GMDS: variants seen among roughly 807,000 people sequenced by gnomAD.
The protein encoded by GMDS is GDP-mannose 4,6 dehydratase.
In GMDS, 20 loss-of-function variants were observed where a neutral mutation model predicts 49.9. That is an observed-to-expected ratio of 0.40 (90% CI 0.28 to 0.58). The LOEUF is 0.58. Among genes scored for constraint, GMDS ranks in the 20% least tolerant of loss-of-function variants. The probability of loss-of-function intolerance (pLI) is 0.42; values close to 1 mark genes in which losing one functional copy is unlikely to be tolerated. For synonymous variants in GMDS, 177 were observed against 178.6 expected, an observed-to-expected ratio of 0.99 and a Z score of 0.07; for missense variants, 362 against 481.4, an observed-to-expected ratio of 0.75 and a Z score of 2.32.
intron 1 of GMDS, among the ~76,000 whole-genome samples, chr6:2,201,141 G>A (rs1465419159): frequency 7.2e-6 from 1 of 138,606 alleles, no homozygotes. Context: ...ATGAGCATCC[G>A]AGATGAAACC....
intron 4 of GMDS, among the ~76,000 whole-genome samples, chr6:2,113,888 C>T (rs1304000365): frequency 6.6e-6 from 1 of 152,156 alleles, no homozygotes; most frequent in Non-Finnish European, 1.5e-5. Context: ...CATTTCCGCC[C>T]ATTAACTAAC....
At chr6:1,830,186 A>G (rs1771293161) in intron 7 of GMDS, among the ~76,000 whole-genome samples, 1 of 152,232 alleles carries the variant, frequency 6.6e-6, no homozygotes, top group African/African-American at 2.4e-5. Context: ...ATCATGTGGG[A>G]CATTGCAGAT....
chr6:1,760,296 G>A (rs1271032857), intron 7 of GMDS, among the ~76,000 whole-genome samples: 3 of 152,184 alleles, frequency 2.0e-5, no homozygotes, highest in Non-Finnish European at 4.4e-5. Flanking sequence ...AGGACTTCTG[G>A]ACCACGAGTA....
At position 1,658,345 on chromosome 6, in the gene GMDS, C is replaced by T. The variant is rs187640844; in HGVS notation, c.988-33805G>A. The stretch of plus-strand genomic sequence containing the variant: ...TGCAATTTGCGAAGTCGCATTTTCC[C>T]GAAGGCTTTCCCACCTGGGCCTTGC... On this transcript the variant is annotated intron_variant, in intron 9 of 10. Coordinates refer to ENST00000380815, the MANE Select transcript of GMDS (RefSeq NM_001500.4). Among the ~76,000 whole-genome samples, 9 of 152,354 alleles carry T rather than the reference C, an allele frequency of 5.9e-5. No homozygotes were observed. In the South Asian group the frequency reaches 1.2e-3, roughly 21 times the overall value.
At chr6:2,028,749 G>A (rs1236947734) in intron 4 of GMDS, among the ~76,000 whole-genome samples, 4 of 152,118 alleles carry the variant, frequency 2.6e-5, no homozygotes, top group African/African-American at 4.8e-5. Flanking sequence ...TACCTGCAGA[G>A]AATGTCTAAC....
At chr6:1,996,983 G>A (rs1419705849) in intron 4 of GMDS, among the ~76,000 whole-genome samples, 1 of 151,866 alleles carries the variant, frequency 6.6e-6, no homozygotes, top group East Asian at 1.9e-4. Context: ...TTCCAAGTAA[G>A]TCTTCTGATG....
intron 1 of GMDS, among the ~76,000 whole-genome samples, chr6:2,179,862 A>G (rs1042161656): frequency 3.3e-5 from 5 of 151,666 alleles, no homozygotes; most frequent in South Asian, 2.1e-4. Flanking sequence ...AGTCCATAAG[A>G]TCATACAAAT....
At chr6:1,780,216 A>G (rs1285768052) in intron 7 of GMDS, among the ~76,000 whole-genome samples, 1 of 152,236 alleles carries the variant, frequency 6.6e-6, no homozygotes, top group East Asian at 1.9e-4. Context: ...TTTGTTTTCT[A>G]AATAATGATT....
chr6:1,689,609 G>A (rs1416985275), intron 9 of GMDS, among the ~76,000 whole-genome samples: 1 of 152,156 alleles, frequency 6.6e-6, no homozygotes, highest in African/African-American at 2.4e-5. Context: ...ATTCAGGGTT[G>A]AGCCCATCCC....
chr6:2,006,924 G>A (rs1047296983), intron 4 of GMDS, among the ~76,000 whole-genome samples: 2 of 152,150 alleles, frequency 1.3e-5, no homozygotes, highest in Non-Finnish European at 2.9e-5. Flanking sequence ...TGAGCAATAC[G>A]CTTAGTAAAT....
chr6:1,660,742 T>C (rs1764040630), intron 9 of GMDS, among the ~76,000 whole-genome samples: 1 of 144,656 alleles, frequency 6.9e-6, no homozygotes, highest in Non-Finnish European at 1.5e-5. Flanking sequence ...GTATCTGAAT[T>C]CAACCTACTG....
At position 1,793,641 on chromosome 6, in the gene GMDS, T is replaced by A. The variant is rs959512444; in HGVS notation, c.772-51055A>T. 4.6e-5 allele frequency among the ~76,000 whole-genome samples: 7 copies of A among 152,360 alleles called. No homozygotes were observed. In the South Asian group the frequency reaches 1.5e-3, roughly 32 times the overall value. On this transcript the variant is annotated intron_variant, in intron 7 of 10. Coordinates refer to ENST00000380815, the MANE Select transcript of GMDS (RefSeq NM_001500.4). ...TATAGTTTATTGTGAAGGCAGCTCA[T>A]CTTCCTACTTTAAAATGCCAAAGGA...
chr6:2,196,937 G>C (rs563404982), intron 1 of GMDS, among the ~76,000 whole-genome samples: 39 of 152,264 alleles, frequency 2.6e-4, no homozygotes, highest in Non-Finnish European at 4.6e-4. Flanking sequence ...GATAATGGTG[G>C]TGATGACTTG....
At chr6:2,138,809 C>T (rs1048200213) in intron 1 of GMDS, among the ~76,000 whole-genome samples, 2 of 152,172 alleles carry the variant, frequency 1.3e-5, no homozygotes, top group African/African-American at 4.8e-5. Context: ...ATCAAATCTA[C>T]CACAGATTTC....
chr6:2,055,607 G>A (rs990719399), intron 4 of GMDS, among the ~76,000 whole-genome samples: 1 of 152,022 alleles, frequency 6.6e-6, no homozygotes, highest in Admixed American at 6.6e-5. Context: ...TTAGCATTTA[G>A]GGCTGAGTGG....
chr6:2,129,974 G>T (rs753799359), intron 1 of GMDS, among the ~76,000 whole-genome samples: 2 of 152,172 alleles, frequency 1.3e-5, no homozygotes, highest in Non-Finnish European at 2.9e-5. Flanking sequence ...GAGATTCAAA[G>T]CAGGTAAATG....
At chr6:2,150,447 T>C (rs1415930409) in intron 1 of GMDS, among the ~76,000 whole-genome samples, 1 of 152,192 alleles carries the variant, frequency 6.6e-6, no homozygotes, top group African/African-American at 2.4e-5. Context: ...CCTCTGGCTA[T>C]AAAGTCTACC....
chr6:1,644,248 C>G (rs559873213), intron 9 of GMDS, among the ~76,000 whole-genome samples: 1 of 152,108 alleles, frequency 6.6e-6, no homozygotes, highest in African/African-American at 2.4e-5. Context: ...CCCGAGCGAA[C>G]GTGTGAACGA....
chr6:2,170,252 A>G (rs916624547), intron 1 of GMDS, among the ~76,000 whole-genome samples: 1 of 152,122 alleles, frequency 6.6e-6, no homozygotes, highest in Non-Finnish European at 1.5e-5. Flanking sequence ...GACTTTCTCC[A>G]TGCAATTTTA....
Sources: allele counts gnomAD v4.1 joint callset (sites outside exome capture counted in the v4.1 genomes callset), GRCh38; gene constraint gnomAD v4.1.1; transcripts MANE v1.5; gene names NCBI Gene and HGNC (gene_info 2026-07-23, HGNC 2026-07-21).